The following CACNA1H variants were observed in gnomAD, a reference collection of about 807,000 sequenced individuals.
CACNA1H encodes voltage-dependent T-type calcium channel subunit alpha-1H.
Under a neutral mutation model 192.5 loss-of-function variants are expected in CACNA1H, and 149 were observed. That is an observed-to-expected ratio of 0.77 (90% CI 0.68 to 0.89). The LOEUF (loss-of-function observed/expected upper bound fraction) is 0.89. Ranked by LOEUF, CACNA1H falls within the 40% of genes least tolerant of loss-of-function variation. The pLI, the probability that CACNA1H is intolerant of heterozygous loss-of-function variation, is 0.00. For missense variants in CACNA1H, 4,257 were observed against 3,423.5 expected (o/e 1.24, Z -6.08); for synonymous variants, 2,202 against 1,475.2 (o/e 1.49, Z -11.29).
intron 2 of CACNA1H, among the ~76,000 whole-genome samples, chr16:1,162,639 T>TTGG (rs796638214): frequency 4.6e-4 from 43 of 93,204 alleles, no homozygotes; most frequent in East Asian, 3.2e-3. Context: ...ACACCTGGAG[T>TTGG]GGGGGGGGGG....
Position 1,200,711 on chromosome 16 carries a change from C to T in CACNA1H, c.1120-5C>T, listed in dbSNP as rs188397970. On this transcript the variant is annotated splice_polypyrimidine_tract_variant and splice_region_variant and intron_variant, in intron 7 of 34. Coordinates refer to ENST00000348261, the MANE Select transcript of CACNA1H (RefSeq NM_021098.3). ...CGGGCCCAAGTCAAGCCACTGCCCC[C>T]CCAGGTGATCACGCTGGAAGGCTGG... 21 of 1,565,516 alleles carry T rather than the reference C, an allele frequency of 1.3e-5. No individual in the cohort carries two copies. The African/African-American group carries it at 1.5e-4, about 11-fold the overall frequency.
chr16:1,206,206 G>A lies in CACNA1H; in HGVS notation c.2706G>A (p.Arg902=), dbSNP rs1968683917. The A allele has an allele frequency of 6.3e-7, 1 of 1,593,816 alleles. No individual in the cohort carries two copies. The highest frequency in any genetic ancestry group is 1.1e-5 in the South Asian group (1 of 87,222). ...LKLVRFLPAL[R]RQLVVLVKTM... ...TGGTGCGCTTTCTGCCAGCCCTGCG[G>A]CGCCAGCTCGTGGTGCTGGTGAAGA... Residue 902 remains arginine (R), a synonymous_variant, in exon 12 of 35, where the codon CGG becomes CGA. Transcript: ENST00000348261.
Position 1,220,335 on chromosome 16 carries a change from C to A in CACNA1H, c.6403C>A (p.Leu2135Ile). ...CGGCGGCGAGCGGGACCTGCGCAGGCTCTACAGCGTGGATGCTCAGGGCTT... is the reference window on the plus strand; with the variant it reads ...CGGCGGCGAGCGGGACCTGCGCAGGATCTACAGCGTGGATGCTCAGGGCTT... ...VAGGERDLRR[L>I]YSVDAQGFLD... Residue 2135 changes from leucine (L) to isoleucine (I), a missense_variant, in exon 35 of 35, where the codon CTC becomes ATC. Transcript: ENST00000348261. The A allele has an allele frequency of 1.3e-6, 2 of 1,553,742 alleles. No homozygotes were observed. Among genetic ancestry groups the A allele is most frequent in the South Asian group, 1.2e-5 (1 of 84,374 alleles).
chr16:1,217,815 T>C (rs1018064617), intron 31 of CACNA1H, 104 bp from the exon 32 acceptor site: 45 of 1,405,458 alleles, frequency 3.2e-5, no homozygotes, highest in Non-Finnish European at 4.1e-5. Context: ...TCCTCCGGGC[T>C]ATCCTGCCTC....
intron 2 of CACNA1H, among the ~76,000 whole-genome samples, chr16:1,189,330 C>T (rs1006122676): frequency 7.2e-6 from 1 of 139,050 alleles, no homozygotes; most frequent in African/African-American, 2.6e-5. Flanking sequence ...AGTGCACAGG[C>T]TTGGAGATGT....
intron 8 of CACNA1H, among the ~76,000 whole-genome samples, chr16:1,201,372 G>C (rs910315861): frequency 1.3e-5 from 2 of 152,136 alleles, no homozygotes; most frequent in African/African-American, 4.8e-5. Context: ...CGTTGAGAGG[G>C]TCATCTCAAG....
chr16:1,209,461 G>A, intron 17 of CACNA1H, 49 bp downstream of exon 17: 1 of 1,580,880 alleles, frequency 6.3e-7, no homozygotes, highest in Non-Finnish European at 8.6e-7. Flanking sequence ...CGTCTGTCTG[G>A]GGCAGGTTCC....
At chr16:1,171,304 G>A (rs1964346532) in intron 2 of CACNA1H, among the ~76,000 whole-genome samples, 1 of 152,164 alleles carries the variant, frequency 6.6e-6, no homozygotes, top group African/African-American at 2.4e-5. Flanking sequence ...GGGATCGTGG[G>A]GCTTTGGGGC....
intron 2 of CACNA1H, among the ~76,000 whole-genome samples, chr16:1,175,873 C>A (rs1383654028): frequency 1.3e-5 from 2 of 152,120 alleles, no homozygotes; most frequent in African/African-American, 4.8e-5. Context: ...CCGTCTCGGG[C>A]AGACCTTGGG....
Position 1,154,132 on chromosome 16 carries a change from C to T in CACNA1H, c.299+96C>T, listed in dbSNP as rs1412342888. On this transcript the variant is annotated intron_variant, in intron 2 of 34. Coordinates refer to ENST00000348261, the MANE Select transcript of CACNA1H (RefSeq NM_021098.3). Reference sequence around the variant, plus strand: ...TCCCTCGGCATGCGCCCCCGCGCGCCCCTGTTGGTGGGACCTGGCGTGGGC... The same window carrying T: ...TCCCTCGGCATGCGCCCCCGCGCGCTCCTGTTGGTGGGACCTGGCGTGGGC... The T allele has an allele frequency of 2.0e-6, 2 of 1,013,682 alleles. 1 individual carries two copies. Among genetic ancestry groups the T allele is most frequent in the Non-Finnish European group, 2.5e-6 (2 of 786,970 alleles). 62.8% of individuals were successfully genotyped at this position (1,013,682 alleles called of 1,614,324 possible). A position where few individuals can be genotyped will look rare whatever the true frequency, so the allele number is the denominator to read the frequency against.
chr16:1,183,413 C>G (rs1965670653), intron 2 of CACNA1H, among the ~76,000 whole-genome samples: 1 of 152,202 alleles, frequency 6.6e-6, no homozygotes, highest in African/African-American at 2.4e-5. Context: ...CTGGCCCCTC[C>G]CCCCAGCCCT....
intron 6 of CACNA1H, among the ~76,000 whole-genome samples, chr16:1,199,699 C>T (rs1181616441): frequency 1.3e-5 from 2 of 150,082 alleles, no homozygotes; most frequent in Non-Finnish European, 3.0e-5. Flanking sequence ...AATTCTCACC[C>T]CCGAGTCTCC....
At chr16:1,153,582 G>A (rs1961862242) in intron 1 of CACNA1H, 112 bp downstream of exon 1, 1 of 422,770 alleles carries the variant, frequency 2.4e-6, no homozygotes, top group African/African-American at 2.1e-5. Flanking sequence ...GGGGCGGGCG[G>A]GGGCGGGGGG....
At position 1,221,181 on chromosome 16, in the gene CACNA1H, G is replaced by A. The variant is rs1019617590; in HGVS notation, c.*187G>A. On this transcript the variant is annotated 3_prime_UTR_variant, in exon 35 of 35. Transcript: ENST00000348261. The stretch of plus-strand genomic sequence containing the variant: ...AGCAGGAGTAGCTGCCGGGCCCCAC[G>A]AGCCTCCGTCCGTTCTGGTTCGGGT... 1.6e-5 allele frequency: 9 copies of A among 548,892 alleles called. No homozygotes were observed. Among genetic ancestry groups the A allele is most frequent in the South Asian group, 3.1e-5 (1 of 32,508 alleles). 34.0% of individuals were successfully genotyped at this position (548,892 alleles called of 1,614,324 possible).
rs1046847004 is a variant in CACNA1H at position 1,220,502 on chromosome 16, C to T, written c.6570C>T (p.Pro2190=). The change falls in exon 35 of 35, where the codon CCC becomes CCT. Residue 2190 remains proline (P), a synonymous_variant. Coordinates refer to ENST00000348261, the MANE Select transcript of CACNA1H (RefSeq NM_021098.3). ...GARRKKKMSP[P]CISVEPPAED... is the part of the protein sequence containing the mutation. Reference sequence around the variant, plus strand: ...GCAGAAAGAAGAAGATGAGCCCCCCCTGCATCTCGGTGGAACCCCCTGCGG... The same window carrying T: ...GCAGAAAGAAGAAGATGAGCCCCCCTTGCATCTCGGTGGAACCCCCTGCGG... 9.1e-6 allele frequency: 14 copies of T among 1,542,104 alleles called. No individual in the cohort carries two copies. In the African/African-American group the frequency reaches 1.4e-4, roughly 15 times the overall value.
intron 2 of CACNA1H, among the ~76,000 whole-genome samples, chr16:1,189,339 G>T (rs532257013): frequency 2.1e-5 from 3 of 146,024 alleles, no homozygotes; most frequent in South Asian, 2.3e-4. Context: ...GCTTGGAGAT[G>T]TGAGGAAGGG....
intron 5 of CACNA1H, among the ~76,000 whole-genome samples, chr16:1,196,908 G>A (rs531043245): frequency 5.9e-5 from 9 of 152,320 alleles, no homozygotes; most frequent in South Asian, 2.1e-4. Context: ...CGTACCAGGC[G>A]CGAGTGCATA....
chr16:1,198,898 C>T (rs976871694), intron 6 of CACNA1H, 124 bp downstream of exon 6: 14 of 857,184 alleles, frequency 1.6e-5, no homozygotes, highest in Non-Finnish European at 2.3e-5. Context: ...CGCCCCGCCA[C>T]TGCTGTCCCC....
intron 2 of CACNA1H, among the ~76,000 whole-genome samples, chr16:1,154,919 C>T (rs576280036): frequency 1.2e-4 from 18 of 152,212 alleles, no homozygotes; most frequent in East Asian, 5.8e-4. Flanking sequence ...GTGTCAGGGC[C>T]GGGTCTCCCC....
Sources: allele counts gnomAD v4.1 joint callset (sites outside exome capture counted in the v4.1 genomes callset), GRCh38; gene constraint gnomAD v4.1.1; transcripts MANE v1.5; gene names NCBI Gene and HGNC (gene_info 2026-07-23, HGNC 2026-07-21).